MAP6: variants seen among roughly 807,000 people sequenced by gnomAD.
MAP6 encodes microtubule-associated protein 6.
MAP6 carries 26 observed loss-of-function variants against 42.4 expected under a neutral mutation model. The ratio of observed to expected loss-of-function variants is 0.61; its 90% confidence interval spans 0.45 to 0.85. The LOEUF (loss-of-function observed/expected upper bound fraction) is 0.85. Ranked by LOEUF, MAP6 falls within the 40% of genes least tolerant of loss-of-function variation. MAP6 has a pLI of 0.00. For missense variants in MAP6, 966 were observed against 1,099.0 expected, an observed-to-expected ratio of 0.88 and a Z score of 1.71; for synonymous variants, 418 against 443.8, an observed-to-expected ratio of 0.94 and a Z score of 0.73.
At chr11:75,622,719 C>T (rs1372479036) in intron 1 of MAP6, among the ~76,000 whole-genome samples, 2 of 152,186 alleles carry the variant, frequency 1.3e-5, no homozygotes, top group Admixed American at 6.5e-5. Flanking sequence ...TTTACACTAC[C>T]TGATTTCAAA....
intron 1 of MAP6, among the ~76,000 whole-genome samples, chr11:75,650,297 T>C (rs1350369307): frequency 6.6e-6 from 1 of 152,196 alleles, no homozygotes; most frequent in Non-Finnish European, 1.5e-5. Context: ...GGTTCATCTT[T>C]AACCTTAGGC....
In MAP6 at chr11:75,617,052, C is replaced by A. The variant is rs529088387; in HGVS notation, c.906-8730G>T. Among the ~76,000 whole-genome samples, 6 of 152,252 alleles carry A rather than the reference C, an allele frequency of 3.9e-5. 1 individual carries two copies. In the South Asian group the frequency reaches 1.2e-3, roughly 32 times the overall value. On this transcript the variant is annotated intron_variant, in intron 1 of 3. Transcript: ENST00000304771. ...GCAATGATAGGTGTCAAGGTTTGGG[C>A]CCCTGTACTAGGTAAATGGCTCATT... is the stretch of plus-strand genomic sequence containing the variant.
At chr11:75,640,121 G>A (rs911629471) in intron 1 of MAP6, among the ~76,000 whole-genome samples, 14 of 151,962 alleles carry the variant, frequency 9.2e-5, no homozygotes, top group Non-Finnish European at 1.8e-4. Flanking sequence ...ACTGGGGGTG[G>A]GGAACAGGCT....
intron 1 of MAP6, among the ~76,000 whole-genome samples, chr11:75,666,040 A>T (rs1477124758): frequency 1.3e-5 from 2 of 152,174 alleles, no homozygotes; most frequent in African/African-American, 2.4e-5. Flanking sequence ...ATATTAGTCT[A>T]ACCTATATAC....
chr11:75,666,978 C>T (rs953045797), intron 1 of MAP6, among the ~76,000 whole-genome samples: 8 of 152,028 alleles, frequency 5.3e-5, no homozygotes, highest in Non-Finnish European at 1.0e-4. Flanking sequence ...TTGGGTGTTG[C>T]CCAGAGACTG....
chr11:75,647,110 A>G (rs1017676100), intron 1 of MAP6, among the ~76,000 whole-genome samples: 2 of 151,626 alleles, frequency 1.3e-5, no homozygotes, highest in African/African-American at 4.8e-5. Flanking sequence ...CCTCCCAAGT[A>G]GCTGGGATTA....
At chr11:75,648,892 T>C (rs188744554) in intron 1 of MAP6, among the ~76,000 whole-genome samples, 16 of 152,354 alleles carry the variant, frequency 1.1e-4, no homozygotes, top group Middle Eastern at 6.8e-3. Flanking sequence ...TTCCATATTA[T>C]GAAGTTGGCA....
At chr11:75,627,495 C>G (rs1291887864) in intron 1 of MAP6, among the ~76,000 whole-genome samples, 2 of 152,132 alleles carry the variant, frequency 1.3e-5, no homozygotes, top group Non-Finnish European at 2.9e-5. Context: ...TGTGTGTGTG[C>G]TCTGGCCAAA....
At chr11:75,637,943 A>C (rs1469162443) in intron 1 of MAP6, among the ~76,000 whole-genome samples, 10 of 152,142 alleles carry the variant, frequency 6.6e-5, no homozygotes, top group Non-Finnish European at 1.5e-4. Flanking sequence ...AAGGATGGAC[A>C]AAATGACATT....
At chr11:75,604,669 C>T (rs2135584740) in intron 3 of MAP6, 1 of 985,368 alleles carries the variant, frequency 1.0e-6, no homozygotes, top group Admixed American at 6.1e-5. Context: ...TGGCACTTGC[C>T]ACCCTTGGGG....
chr11:75,636,292 C>A (rs1251915226), intron 1 of MAP6: 3 of 152,224 alleles, frequency 2.0e-5, no homozygotes, highest in Admixed American at 1.3e-4. Flanking sequence ...CTTCCCCTCA[C>A]CTGCCCTTCT....
chr11:75,608,127 G>C lies in MAP6; in HGVS notation c.1101C>G (p.Pro367=). 1 of 1,613,974 alleles carries C rather than the reference G, an allele frequency of 6.2e-7. No individual in the cohort carries two copies. The highest frequency in any genetic ancestry group is 2.2e-5 in the East Asian group (1 of 44,890). ...RRRIRSLYSE[P]FKEPPKVEKP... ...GTCTCACCTTTGGGGGTTCCTTGAA[G>C]GGTTCGCTGTAGAGGCTGCGTATTC... Residue 367 remains proline, a synonymous_variant, in exon 2 of 4, where the codon CCC becomes CCG. Coordinates refer to ENST00000304771, the MANE Select transcript of MAP6 (RefSeq NM_033063.2).
At chr11:75,633,335 A>T (rs1234280240) in intron 1 of MAP6, among the ~76,000 whole-genome samples, 1 of 152,110 alleles carries the variant, frequency 6.6e-6, no homozygotes, top group Non-Finnish European at 1.5e-5. Context: ...TCTGACGGAT[A>T]CTCTGGGCAA....
At chr11:75,630,122 C>T (rs997264756) in intron 1 of MAP6, among the ~76,000 whole-genome samples, 1 of 152,200 alleles carries the variant, frequency 6.6e-6, no homozygotes, top group African/African-American at 2.4e-5. Flanking sequence ...TTGTCTTCAT[C>T]GTGGTCTTCC....
chr11:75,592,211 T>TGG, intron 3 of MAP6, among the ~76,000 whole-genome samples: 1 of 152,122 alleles, frequency 6.6e-6, no homozygotes, highest in Non-Finnish European at 1.5e-5. Flanking sequence ...TCCAGATTAG[T>TGG]TTCGTTTGCA....
intron 1 of MAP6, among the ~76,000 whole-genome samples, chr11:75,660,741 T>G (rs1357981076): frequency 6.6e-6 from 1 of 152,186 alleles, no homozygotes; most frequent in Non-Finnish European, 1.5e-5. Flanking sequence ...TCCCTCTGCT[T>G]AGATTTTTTC....
chr11:75,611,923 A>C (rs190169589), intron 1 of MAP6, among the ~76,000 whole-genome samples: 1 of 152,284 alleles, frequency 6.6e-6, no homozygotes, highest in African/African-American at 2.4e-5. Flanking sequence ...GTCTGAGCTC[A>C]GGTCAGTCAG....
intron 1 of MAP6, among the ~76,000 whole-genome samples, chr11:75,648,498 AAAACAAACAAAC>A (rs145625627): frequency 4.6e-5 from 7 of 151,928 alleles, no homozygotes; most frequent in African/African-American, 1.5e-4. Context: ...ACCCTGTCTA[AAAACAAACAAAC>A]AAACAAACAA....
Position 75,667,320 on chromosome 11 carries a change from C to T in MAP6, c.905+145G>A. ...AAGAGAAGGCTTCGACAGGAGGTGG[C>T]CTGGGAGGCGGCTGGGGAGAGGGTG... On this transcript the variant is annotated intron_variant, in intron 1 of 3. Transcript: ENST00000304771. This position sits in a 1 kb window ranked among gnomAD's most constrained non-coding sequence, Gnocchi z 5.6. 1.5e-6 allele frequency: 1 copy of T among 685,144 alleles called. No homozygotes were observed. The highest frequency in any genetic ancestry group is 2.2e-6 in the Non-Finnish European group (1 of 454,838). 42.4% of individuals were successfully genotyped at this position (685,144 alleles called of 1,614,324 possible). A position where few individuals can be genotyped will look rare whatever the true frequency, so the allele number is the denominator to read the frequency against.
Sources: allele counts gnomAD v4.1 joint callset (sites outside exome capture counted in the v4.1 genomes callset), GRCh38; gene constraint gnomAD v4.1.1; non-coding constraint Gnocchi (gnomAD v3.1); transcripts MANE v1.5; gene names NCBI Gene and HGNC (gene_info 2026-07-23, HGNC 2026-07-21).